Variants in SEMA3C observed in about 807,000 individuals in gnomAD.
SEMA3C encodes semaphorin-3C.
In SEMA3C, 47 loss-of-function variants were observed where a neutral mutation model predicts 89.4. That is an observed-to-expected ratio of 0.53 (90% confidence interval 0.42 to 0.67). The LOEUF is 0.67. Among genes scored for constraint, SEMA3C ranks in the 30% least tolerant of loss-of-function variants. The pLI is 0.00. For synonymous variants in SEMA3C, 310 were observed against 320.2 expected (o/e 0.97, Z 0.34); for missense variants, 839 against 929.1 (o/e 0.90, Z 1.26).
chr7:80,889,218 G>C (rs578026520), intron 2 of SEMA3C, among the ~76,000 whole-genome samples: 3 of 152,024 alleles, frequency 2.0e-5, no homozygotes, highest in Non-Finnish European at 4.4e-5. Flanking sequence ...ATTTGACTTC[G>C]CAATAACCTT....
intron 2 of SEMA3C, among the ~76,000 whole-genome samples, chr7:80,911,443 A>C (rs1462159642): frequency 6.6e-6 from 1 of 152,192 alleles, no homozygotes; most frequent in East Asian, 1.9e-4. Context: ...TTGCAAATAA[A>C]GGCTAAGTAA....
chr7:80,769,876 A>AC (rs1391385490), intron 12 of SEMA3C, among the ~76,000 whole-genome samples: 1 of 151,284 alleles, frequency 6.6e-6, no homozygotes, highest in Non-Finnish European at 1.5e-5. Context: ...AAAAAAAAAA[A>AC]AAAAAAAAAA....
At chr7:80,821,302 G>T (rs981831580) in intron 4 of SEMA3C, among the ~76,000 whole-genome samples, 3 of 152,146 alleles carry the variant, frequency 2.0e-5, no homozygotes, top group Non-Finnish European at 4.4e-5. Context: ...AAAATAACCT[G>T]TTTGAGACCA....
chr7:80,768,358 C>A (rs1234969543), intron 12 of SEMA3C, among the ~76,000 whole-genome samples: 3 of 151,868 alleles, frequency 2.0e-5, no homozygotes, highest in East Asian at 1.9e-4. Flanking sequence ...CTAAAAAATA[C>A]AAAAAATTAG....
At chr7:80,891,992 A>G (rs1218626229) in intron 2 of SEMA3C, among the ~76,000 whole-genome samples, 2 of 152,164 alleles carry the variant, frequency 1.3e-5, no homozygotes, top group East Asian at 3.8e-4. Context: ...TACGCTTAGG[A>G]TACTATCTTC....
intron 4 of SEMA3C, among the ~76,000 whole-genome samples, chr7:80,822,243 CCG>C (rs1186463860): frequency 6.6e-6 from 1 of 151,562 alleles, no homozygotes; most frequent in Non-Finnish European, 1.5e-5. Flanking sequence ...TTTAAATGTA[CCG>C]TAGAAGGAAA....
At chr7:80,921,657 A>T (rs568997177), upstream of SEMA3C, among the ~76,000 whole-genome samples, 89 of 152,312 alleles carry the variant, frequency 5.8e-4, 3 homozygotes, top group South Asian at 0.018. Flanking sequence ...AAATTTAGAG[A>T]GCACTAATTA....
chr7:80,819,888 T>A (rs1472561343), intron 4 of SEMA3C, among the ~76,000 whole-genome samples: 1 of 152,142 alleles, frequency 6.6e-6, no homozygotes, highest in Non-Finnish European at 1.5e-5. Flanking sequence ...ATTGAATGAC[T>A]TCATGAAGTC....
chr7:80,916,594 T>C, intron 2 of SEMA3C, 85 bp downstream of exon 2: 3 of 1,248,124 alleles, frequency 2.4e-6, no homozygotes, highest in Non-Finnish European at 3.3e-6. Context: ...CAGTAATATT[T>C]ATACTCTTAA....
At chr7:80,855,427 T>C (rs1331012468) in intron 2 of SEMA3C, among the ~76,000 whole-genome samples, 2 of 152,062 alleles carry the variant, frequency 1.3e-5, no homozygotes, top group African/African-American at 4.8e-5. Flanking sequence ...AGCACTACCA[T>C]TCCTGGGTAA....
rs1735200484 is a variant in SEMA3C, at chr7:80,827,332, T to C, written c.327+93A>G. 3 of 1,294,962 alleles carry C rather than the reference T, an allele frequency of 2.3e-6. 1 individual carries two copies. The allele number at this position is 1,294,962 out of a possible 1,614,324, so 80.2% of individuals were successfully genotyped here. ...CAAAAATTTAAAACACCACCATCCT[T>C]GTCTCATTTTTGGCTTCCCTCAAAG... On this transcript the variant is annotated intron_variant, in intron 4 of 17. Coordinates refer to ENST00000265361, the MANE Select transcript of SEMA3C (RefSeq NM_006379.5).
At chr7:80,785,525 G>A (rs1562873929) in intron 12 of SEMA3C, among the ~76,000 whole-genome samples, 1 of 152,174 alleles carries the variant, frequency 6.6e-6, no homozygotes, top group Non-Finnish European at 1.5e-5. Flanking sequence ...AAGACAGTTA[G>A]ATATATAATG....
At chr7:80,919,619 C>G (rs1323965158), upstream of SEMA3C, among the ~76,000 whole-genome samples, 4 of 151,474 alleles carry the variant, frequency 2.6e-5, no homozygotes. Flanking sequence ...GAATCTCACT[C>G]TGTCGCCAGG....
At chr7:80,808,594 G>A (rs1299966604) in intron 6 of SEMA3C, among the ~76,000 whole-genome samples, 2 of 152,032 alleles carry the variant, frequency 1.3e-5, no homozygotes, top group Non-Finnish European at 2.9e-5. Flanking sequence ...ATATGAGAAA[G>A]AAAGATGAGT....
chr7:80,908,335 G>C (rs1413185043), intron 2 of SEMA3C, among the ~76,000 whole-genome samples: 1 of 152,100 alleles, frequency 6.6e-6, no homozygotes, highest in East Asian at 1.9e-4. Context: ...TGCCAGCTTG[G>C]TGTACTTCAC....
At chr7:80,863,311 C>T (rs1011788015) in intron 2 of SEMA3C, among the ~76,000 whole-genome samples, 3 of 150,616 alleles carry the variant, frequency 2.0e-5, no homozygotes, top group Non-Finnish European at 4.4e-5. Flanking sequence ...CCACCTTACT[C>T]CTGCAAGAAT....
chr7:80,780,016 A>G (rs1488391196), intron 12 of SEMA3C, among the ~76,000 whole-genome samples: 1 of 152,208 alleles, frequency 6.6e-6, no homozygotes, highest in Non-Finnish European at 1.5e-5. Flanking sequence ...TTAAAAAACA[A>G]TGCAGCCTGG....
intron 12 of SEMA3C, among the ~76,000 whole-genome samples, chr7:80,770,849 G>A (rs1221541200): frequency 6.6e-6 from 1 of 152,202 alleles, no homozygotes; most frequent in African/African-American, 2.4e-5. Flanking sequence ...GAAATCAGGA[G>A]CATTCAAGCT....
At chr7:80,919,246 G>T (rs564410983), upstream of SEMA3C, 2 of 985,094 alleles carry the variant, frequency 2.0e-6, no homozygotes. Context: ...AGCCGCGGGG[G>T]CGGACCGGGC....
Sources: gnomAD v4.1 joint callset for allele counts (sites outside exome capture counted in the v4.1 genomes callset) on GRCh38, gnomAD v4.1.1 for gene constraint, MANE v1.5 for transcripts, NCBI Gene and HGNC (gene_info 2026-07-23, HGNC 2026-07-21) for gene names.